SLURP2: variants seen among roughly 807,000 people sequenced by gnomAD.
The protein encoded by SLURP2 is secreted LY6/PLAUR domain containing 2, also known as secreted Ly-6/uPAR domain-containing protein 2.
Under a neutral mutation model 9.8 loss-of-function variants are expected in SLURP2, and 4 were observed. The ratio of observed to expected loss-of-function variants is 0.41; its 90% CI spans 0.20 to 0.94. SLURP2 has a LOEUF of 0.94. SLURP2 is among the 40% of genes least tolerant of loss of function. SLURP2 has a pLI of 0.32. For synonymous variants in SLURP2, 58 were observed against 56.2 expected (o/e 1.03, Z -0.15); for missense variants, 118 against 126.4 (o/e 0.93, Z 0.32).
rs587705388 is a variant in SLURP2 at position 142,766,948 on chromosome 8, C to T, written c.53-1808G>A. On this transcript the variant is annotated intron_variant, in intron 1 of 2. Coordinates refer to ENST00000317543, the MANE Select transcript of SLURP2 (RefSeq NM_177458.3). Reference sequence around the variant, plus strand: ...CCCAGCCTCAGGACACAGGAGCCCACGCCTGCCCTATCCCATCTCTGCTGG... The same window carrying T: ...CCCAGCCTCAGGACACAGGAGCCCATGCCTGCCCTATCCCATCTCTGCTGG... Among the ~76,000 whole-genome samples the T allele has an allele frequency of 5.9e-5, 9 of 152,272 alleles. No homozygotes were observed. The South Asian group carries it at 1.0e-3, about 18-fold the overall frequency.
intron 1 of SLURP2, among the ~76,000 whole-genome samples, chr8:142,769,191 G>A (rs998771669): frequency 1.6e-4 from 23 of 147,938 alleles, no homozygotes; most frequent in African/African-American, 5.2e-4. Flanking sequence ...AGGGCCAGCC[G>A]TAGCAGACGT....
intron 1 of SLURP2, among the ~76,000 whole-genome samples, chr8:142,767,923 T>C (rs1224571320): frequency 6.6e-6 from 1 of 151,484 alleles, no homozygotes; most frequent in Non-Finnish European, 1.5e-5. Context: ...AATGAATGAA[T>C]GAATGAATGA....
chr8:142,764,931 C>A, intron 2 of SLURP2, 105 bp downstream of exon 2: 1 of 1,165,410 alleles, frequency 8.6e-7, no homozygotes, highest in South Asian at 1.4e-5. Context: ...CCCCACTATG[C>A]TTCTGACTTA....
At chr8:142,766,635 C>T (rs1815017683) in intron 1 of SLURP2, among the ~76,000 whole-genome samples, 1 of 152,230 alleles carries the variant, frequency 6.6e-6, no homozygotes. Flanking sequence ...TCCCTGCCTG[C>T]TCTCTGCCCC....
chr8:142,766,759 G>C (rs1815021732), intron 1 of SLURP2, among the ~76,000 whole-genome samples: 1 of 152,214 alleles, frequency 6.6e-6, no homozygotes, highest in African/African-American at 2.4e-5. Flanking sequence ...ACCCAGGACT[G>C]GGTAAGCAGA....
In SLURP2 at chr8:142,764,575, A is replaced by T. The variant is rs1814936147; in HGVS notation, c.*30T>A. On this transcript the variant is annotated 3_prime_UTR_variant, in exon 3 of 3. Coordinates refer to ENST00000317543, the MANE Select transcript of SLURP2 (RefSeq NM_177458.3). ...CAGGCTGTGGGGGCTGTGGGGGCTG[A>T]GCGTCCGGGGGCCTGGAGGAGGGCA... The T allele has an allele frequency of 6.3e-7, 1 of 1,593,690 alleles. No homozygotes were observed. Among genetic ancestry groups the T allele is most frequent in the Non-Finnish European group, 8.5e-7 (1 of 1,172,720 alleles).
Position 142,769,811 on chromosome 8 carries a change from T to C in SLURP2, c.-5A>G, listed in dbSNP as rs1266140779. ...GAGCCCAGTGCCGAGCTGCATGTTCTCCTGGTGAGGTCGGGCTGTCGGCGC... is the reference window on the plus strand; with the variant it reads ...GAGCCCAGTGCCGAGCTGCATGTTCCCCTGGTGAGGTCGGGCTGTCGGCGC... On this transcript the variant is annotated 5_prime_UTR_variant, in exon 1 of 3. Transcript: ENST00000317543. The C allele has an allele frequency of 4.4e-6, 7 of 1,593,630 alleles. No individual in the cohort carries two copies. Among genetic ancestry groups the C allele is most frequent in the Non-Finnish European group, 6.0e-6 (7 of 1,172,504 alleles).
At chr8:142,769,451 C>CGTGTGTGA in intron 1 of SLURP2, among the ~76,000 whole-genome samples, 1 of 141,282 alleles carries the variant, frequency 7.1e-6, no homozygotes. Flanking sequence ...CACGAAGGTG[C>CGTGTGTGA]GTGTGTGAGG....
chr8:142,769,706 A>G (rs1815116789), intron 1 of SLURP2, 49 bp downstream of exon 1: 1 of 1,546,726 alleles, frequency 6.5e-7, no homozygotes, highest in Non-Finnish European at 8.8e-7. Context: ...TGGTTGGGCT[A>G]GAGTGATGGG....
chr8:142,767,136 C>A (rs1815030837), intron 1 of SLURP2, among the ~76,000 whole-genome samples: 1 of 152,268 alleles, frequency 6.6e-6, no homozygotes. Context: ...GGGCCAGAGT[C>A]CTCTGGTCAC....
chr8:142,764,457 TC>T lies in SLURP2; in HGVS notation c.*147del. The T allele has an allele frequency of 1.1e-6, 1 of 869,604 alleles. No homozygotes were observed. Among genetic ancestry groups the T allele is most frequent in the Non-Finnish European group, 1.9e-6 (1 of 538,474 alleles). 53.9% of individuals were successfully genotyped at this position (869,604 alleles called of 1,614,324 possible). On this transcript the variant is annotated 3_prime_UTR_variant, in exon 3 of 3. Coordinates refer to ENST00000317543, the MANE Select transcript of SLURP2 (RefSeq NM_177458.3). ...TTGAGGCAAGACTCCACGCAGGACT[TC>T]CCTAGGACAAGCGGTGCTGGACGGT...
chr8:142,764,587 C>T lies in SLURP2; in HGVS notation c.*18G>A. 1 of 1,599,174 alleles carries T rather than the reference C, an allele frequency of 6.3e-7. No individual in the cohort carries two copies. Among genetic ancestry groups the T allele is most frequent in the Non-Finnish European group, 8.5e-7 (1 of 1,174,834 alleles). ...GCTGTGGGGGCTGAGCGTCCGGGGG[C>T]CTGGAGGAGGGCAGCCGTCAGTCAT... On this transcript the variant is annotated 3_prime_UTR_variant, in exon 3 of 3. Transcript: ENST00000317543.
intron 1 of SLURP2, among the ~76,000 whole-genome samples, chr8:142,769,210 C>T (rs939901347): frequency 5.2e-4 from 11 of 21,064 alleles, no homozygotes; most frequent in Admixed American, 1.4e-3. Flanking sequence ...GTGGGCACTG[C>T]GGGGGTCGAG....
At chr8:142,765,222 C>T (rs587690075) in intron 1 of SLURP2, 82 bp from the exon 2 acceptor site, 6 of 1,048,882 alleles carry the variant, frequency 5.7e-6, no homozygotes, top group Middle Eastern at 2.9e-4. Flanking sequence ...ACGCACTCAT[C>T]TCCACCCAGC....
chr8:142,764,888 C>T (rs1814950514), intron 2 of SLURP2, 147 bp from the exon 3 acceptor site: 2 of 1,174,412 alleles, frequency 1.7e-6, no homozygotes, highest in Non-Finnish European at 2.5e-6. Flanking sequence ...GCCCTTTGCT[C>T]ATACCCTTCC....
chr8:142,765,229 C>G, intron 1 of SLURP2, 89 bp from the exon 2 acceptor site: 2 of 994,530 alleles, frequency 2.0e-6, no homozygotes, highest in Non-Finnish European at 3.0e-6. Context: ...CATCTCCACC[C>G]AGCAGCCCAT....
At chr8:142,767,820 G>C (rs1384271005) in intron 1 of SLURP2, among the ~76,000 whole-genome samples, 1 of 152,086 alleles carries the variant, frequency 6.6e-6, no homozygotes, top group Non-Finnish European at 1.5e-5. Flanking sequence ...CTGAGGCTGG[G>C]CAGGGCGTTC....
intron 2 of SLURP2, 135 bp from the exon 3 acceptor site, chr8:142,764,876 T>G: frequency 8.1e-7 from 1 of 1,234,036 alleles, no homozygotes; most frequent in Non-Finnish European, 1.2e-6. Context: ...GGGGCAGACG[T>G]GGCCCTTTGC....
At chr8:142,764,892 C>A (rs1814950685) in intron 2 of SLURP2, 144 bp downstream of exon 2, 1 of 1,166,352 alleles carries the variant, frequency 8.6e-7, no homozygotes, top group Non-Finnish European at 1.3e-6. Context: ...TTTGCTCATA[C>A]CCTTCCCTGG....
Sources: allele counts gnomAD v4.1 joint callset (sites outside exome capture counted in the v4.1 genomes callset), GRCh38; gene constraint gnomAD v4.1.1; transcripts MANE v1.5; gene names NCBI Gene and HGNC (gene_info 2026-07-23, HGNC 2026-07-21).